The following RYR2 variants were observed in gnomAD, a reference collection of about 807,000 sequenced individuals.
RYR2 encodes the protein cardiac muscle ryanodine receptor-calcium release channel.
A neutral mutation model predicts 601.1 loss-of-function variants in RYR2; 227 were observed. The ratio of observed to expected loss-of-function variants is 0.38; its 90% confidence interval spans 0.34 to 0.42. RYR2 has a LOEUF of 0.42. Among genes scored for constraint, RYR2 ranks in the 10% least tolerant of loss-of-function variants. RYR2 has a pLI of 1.00. For synonymous variants in RYR2, 2,223 were observed against 2,175.1 expected, an observed-to-expected ratio of 1.02 and a Z score of -0.61; for missense variants, 4,646 against 6,156.5, an observed-to-expected ratio of 0.75 and a Z score of 8.21.
At chr1:237,723,088 T>C (rs1195827473) in intron 73 of RYR2, 40 bp from the exon 74 acceptor site, 6 of 1,567,730 alleles carry the variant, frequency 3.8e-6, no homozygotes, top group African/African-American at 1.4e-5. Flanking sequence ...TGTTTTTAGA[T>C]TCCCATCTTC....
intron 36 of RYR2, among the ~76,000 whole-genome samples, chr1:237,612,333 T>A (rs540029040): frequency 4.9e-4 from 75 of 152,276 alleles, no homozygotes; most frequent in African/African-American, 1.8e-3. Context: ...GATAAAAGTG[T>A]TCTAAACTCA....
At chr1:237,817,966 G>A (rs1011212685) in intron 100 of RYR2, among the ~76,000 whole-genome samples, 1 of 152,182 alleles carries the variant, frequency 6.6e-6, no homozygotes, top group South Asian at 2.1e-4. Context: ...TAGAAATGGA[G>A]TAAGAATGGA....
At chr1:237,516,703 C>G (rs1420162846) in intron 24 of RYR2, among the ~76,000 whole-genome samples, 1 of 152,168 alleles carries the variant, frequency 6.6e-6, no homozygotes, top group Non-Finnish European at 1.5e-5. Flanking sequence ...GGTGTTGAGT[C>G]TTTCAACATG....
chr1:237,763,212 A>G (rs180873856), intron 84 of RYR2, among the ~76,000 whole-genome samples: 1,662 of 152,126 alleles, frequency 0.011, 17 homozygotes, highest in Middle Eastern at 0.02. Context: ...TCAGTTAAAA[A>G]CCTTTCTGGT....
intron 1 of RYR2, among the ~76,000 whole-genome samples, chr1:237,046,236 A>C (rs903858942): frequency 1.3e-5 from 2 of 152,226 alleles, no homozygotes; most frequent in African/African-American, 4.8e-5. Flanking sequence ...CCTAGTTTGT[A>C]GAGGTCCAGG....
rs931914147 is a variant in RYR2, at chr1:237,456,474, T to C, written c.1477-126T>C. ...TGTCCTTTGAATGATCACAGTTTTC[T>C]TTATGATTAGTAGATGAACCTTCAG... On this transcript the variant is annotated intron_variant, in intron 15 of 104. Coordinates refer to ENST00000366574, the MANE Select transcript of RYR2 (RefSeq NM_001035.3). The C allele has an allele frequency of 1.6e-5, 16 of 995,738 alleles. No individual in the cohort carries two copies. The African/African-American group carries it at 2.6e-4, about 16-fold the overall frequency. 61.7% of individuals were successfully genotyped at this position (995,738 alleles called of 1,614,324 possible). A position where few individuals can be genotyped will look rare whatever the true frequency, so the allele number is the denominator to read the frequency against.
chr1:237,703,458 A>T (rs9660540), intron 66 of RYR2, among the ~76,000 whole-genome samples: 3,178 of 150,850 alleles, frequency 0.021, 105 homozygotes, highest in African/African-American at 0.073. Context: ...CTATTTTTCT[A>T]TTCATGTATT....
chr1:237,387,458 T>C lies in RYR2; in HGVS notation c.676+78T>C, dbSNP rs1702034721. 5 of 1,262,866 alleles carry C rather than the reference T, an allele frequency of 4.0e-6. No homozygotes were observed. The Admixed American group carries it at 8.9e-5, about 22-fold the overall frequency. 78.2% of individuals were successfully genotyped at this position (1,262,866 alleles called of 1,614,324 possible). A position where few individuals can be genotyped will look rare whatever the true frequency, so the allele number is the denominator to read the frequency against. ...CATCTTTGGAATTGTGATAATGAGC[T>C]GATTGTTAATTAGAGCTTTTTGTCT... is the stretch of plus-strand genomic sequence containing the variant. On this transcript the variant is annotated intron_variant, in intron 9 of 104. Coordinates refer to ENST00000366574, the MANE Select transcript of RYR2 (RefSeq NM_001035.3).
rs1703498552 is a variant in RYR2, at chr1:237,402,872, CCTGGCCTCAA to C, written c.774-14176_774-14167del. The stretch of plus-strand genomic sequence containing the variant: ...TCATGGCTCACTGCAGCCTCGATGT[CCTGGCCTCAA>C]ACCATCCCCCTGCTTCAGCCTCCTG... On this transcript the variant is annotated intron_variant, in intron 10 of 104. Coordinates refer to ENST00000366574, the MANE Select transcript of RYR2 (RefSeq NM_001035.3). Among the ~76,000 whole-genome samples, 12 of 149,444 alleles carry C rather than the reference CCTGGCCTCAA, an allele frequency of 8.0e-5. No individual in the cohort carries two copies. The East Asian group carries it at 1.8e-3, about 22-fold the overall frequency.
intron 2 of RYR2, among the ~76,000 whole-genome samples, chr1:237,325,938 G>A (rs911267697): frequency 6.6e-6 from 1 of 152,114 alleles, no homozygotes; most frequent in Non-Finnish European, 1.5e-5. Flanking sequence ...AAGGCATCAG[G>A]ATGTGAAATG....
At chr1:237,472,797 A>T (rs10802613) in intron 17 of RYR2, among the ~76,000 whole-genome samples, 1 of 151,858 alleles carries the variant, frequency 6.6e-6, no homozygotes, top group African/African-American at 2.4e-5. Flanking sequence ...CTGTAGAAAT[A>T]TGTACACCGC....
intron 9 of RYR2, 46 bp downstream of exon 9, chr1:237,387,426 T>C (rs751071644): frequency 9.1e-6 from 14 of 1,541,702 alleles, no homozygotes; most frequent in Non-Finnish European, 1.2e-5. Flanking sequence ...GCTGCAAAGT[T>C]GACAGTCATC....
At chr1:237,194,377 A>G (rs1680326572) in intron 1 of RYR2, among the ~76,000 whole-genome samples, 1 of 152,226 alleles carries the variant, frequency 6.6e-6, no homozygotes, top group South Asian at 2.1e-4. Flanking sequence ...CGTACTATAC[A>G]TGAGTGAGAA....
intron 1 of RYR2, among the ~76,000 whole-genome samples, chr1:237,144,765 G>A (rs2148777960): frequency 6.6e-6 from 1 of 152,238 alleles, no homozygotes; most frequent in South Asian, 2.1e-4. Flanking sequence ...TTTCCTCAGA[G>A]CTTTCTGAAT....
intron 29 of RYR2, among the ~76,000 whole-genome samples, chr1:237,573,069 A>G (rs570377404): frequency 6.6e-6 from 1 of 152,272 alleles, no homozygotes; most frequent in Non-Finnish European, 1.5e-5. Flanking sequence ...TCTTACACCT[A>G]GCCTGTCTTT....
intron 25 of RYR2, among the ~76,000 whole-genome samples, chr1:237,533,026 G>T (rs945350647): frequency 1.3e-5 from 2 of 152,144 alleles, no homozygotes; most frequent in South Asian, 2.1e-4. Flanking sequence ...GGGGCACAGG[G>T]TTTAAAAATA....
At chr1:237,781,444 C>T in intron 88 of RYR2, 121 bp from the exon 89 acceptor site, 2 of 582,256 alleles carry the variant, frequency 3.4e-6, no homozygotes, top group Non-Finnish European at 6.2e-6. Flanking sequence ...CCTTTAGTTC[C>T]ATAATGCTTC....
Position 237,387,348 on chromosome 1 carries a change from C to T in RYR2, c.644C>T (p.Ala215Val). 6.2e-7 allele frequency: 1 copy of T among 1,613,980 alleles called. No individual in the cohort carries two copies. The highest frequency in any genetic ancestry group is 1.1e-5 in the South Asian group (1 of 91,082). ...AAFQQTLWSV[A>V]PISSGSEAAQ... is the part of the protein sequence containing the mutation. ...TTCCAGCAGACTCTCTGGAGCGTGGCCCCAATCAGCTCAGGAAGTGAGGCA... is the reference window on the plus strand; with the variant it reads ...TTCCAGCAGACTCTCTGGAGCGTGGTCCCAATCAGCTCAGGAAGTGAGGCA... The change falls in exon 9 of 105, where the codon GCC becomes GTC. Residue 215 changes from alanine to valine, a missense_variant. Physicochemically the swap from Ala to Val is moderately conservative, Grantham distance 64. Coordinates refer to ENST00000366574, the MANE Select transcript of RYR2 (RefSeq NM_001035.3).
At position 237,771,424 on chromosome 1, in the gene RYR2, A is replaced by G. The variant is rs145094500; in HGVS notation, c.11557+537A>G. 2.2e-4 allele frequency among the ~76,000 whole-genome samples: 34 copies of G among 151,964 alleles called. 1 individual carries two copies. In the East Asian group the frequency reaches 6.6e-3, roughly 29 times the overall value. On this transcript the variant is annotated intron_variant, in intron 85 of 104. Transcript: ENST00000366574. ...AGATCCTGTCTCTCAATAAAAAAAA[A>G]AAAGACAGAGGATTTATGAAAAACA... is the stretch of plus-strand genomic sequence containing the variant.
Sources: allele counts gnomAD v4.1 joint callset (sites outside exome capture counted in the v4.1 genomes callset), GRCh38; gene constraint gnomAD v4.1.1; transcripts MANE v1.5; gene names NCBI Gene and HGNC (gene_info 2026-07-23, HGNC 2026-07-21).